Variants in AGBL3 observed in about 807,000 individuals in gnomAD.
The protein encoded by AGBL3 is AGBL carboxypeptidase 3, also known as cytosolic carboxypeptidase 3.
In AGBL3, 68 loss-of-function variants were observed where a neutral mutation model predicts 94.5. The observed-to-expected ratio is 0.72, with a 90% CI of 0.59 to 0.88. AGBL3 has a LOEUF of 0.88. Among genes scored for constraint, AGBL3 ranks in the 40% least tolerant of loss-of-function variants. The probability of loss-of-function intolerance (pLI) is 0.00; values close to 1 mark genes in which losing one functional copy is unlikely to be tolerated. For synonymous variants in AGBL3, 354 were observed against 370.7 expected (o/e 0.95, Z 0.52); for missense variants, 934 against 1,103.8 (o/e 0.85, Z 2.18).
At position 135,044,155 on chromosome 7, in the gene AGBL3, A is replaced by G; in HGVS notation, c.1627+4A>G. 2 of 1,544,294 alleles carry G rather than the reference A, an allele frequency of 1.3e-6. No homozygotes were observed. The highest frequency in any genetic ancestry group is 2.5e-5 in the East Asian group (1 of 40,722). On this transcript the variant is annotated splice_donor_region_variant and intron_variant, in intron 9 of 16. Coordinates refer to ENST00000436302, the MANE Select transcript of AGBL3 (RefSeq NM_178563.4). ...ACCTTCTGTGGATCTACTCTGGGTA[A>G]GACCAAGGGTTCTCATTCACAGCTC...
chr7:135,131,314 G>A (rs184557552), intron 16 of AGBL3, among the ~76,000 whole-genome samples: 78 of 152,132 alleles, frequency 5.1e-4, no homozygotes, highest in African/African-American at 1.7e-3. Context: ...GGCCTGTTGC[G>A]GGGTGAGGGG....
At chr7:135,082,604 G>A (rs1821011574) in intron 15 of AGBL3, among the ~76,000 whole-genome samples, 1 of 151,892 alleles carries the variant, frequency 6.6e-6, no homozygotes, top group South Asian at 2.1e-4. Context: ...CTAAAATCTT[G>A]ACATATTGGA....
intron 12 of AGBL3, among the ~76,000 whole-genome samples, chr7:135,075,234 C>T (rs969815792): frequency 6.6e-6 from 1 of 152,156 alleles, no homozygotes; most frequent in African/African-American, 2.4e-5. Flanking sequence ...CCTTACCTTG[C>T]AGTTATCCCC....
At chr7:135,052,485 T>C (rs1050576341) in intron 11 of AGBL3, among the ~76,000 whole-genome samples, 3 of 152,312 alleles carry the variant, frequency 2.0e-5, no homozygotes, top group Non-Finnish European at 2.9e-5. Context: ...ATTTATTGCA[T>C]AATGCTGGGG....
chr7:135,009,923 G>A (rs1328076234), intron 4 of AGBL3: 4 of 366,756 alleles, frequency 1.1e-5, no homozygotes, highest in Non-Finnish European at 2.1e-5. Flanking sequence ...AGACTTTGGA[G>A]CATTTGGTTG....
intron 12 of AGBL3, among the ~76,000 whole-genome samples, chr7:135,075,126 A>T (rs765677939): frequency 6.6e-6 from 1 of 152,186 alleles, no homozygotes; most frequent in Non-Finnish European, 1.5e-5. Flanking sequence ...ATGTTACAAT[A>T]AGGCTATTTA....
chr7:135,051,601 T>A (rs1262481363), intron 11 of AGBL3, among the ~76,000 whole-genome samples: 2 of 152,100 alleles, frequency 1.3e-5, no homozygotes, highest in African/African-American at 4.8e-5. Flanking sequence ...TCTAGGTTTT[T>A]TTTTCCAGGG....
chr7:135,050,478 T>G (rs987285948), intron 11 of AGBL3, among the ~76,000 whole-genome samples: 2 of 151,950 alleles, frequency 1.3e-5, no homozygotes, highest in Non-Finnish European at 1.5e-5. Flanking sequence ...AAATGAGGTA[T>G]TGAAGTCTCC....
intron 11 of AGBL3, among the ~76,000 whole-genome samples, chr7:135,052,846 A>C (rs986277131): frequency 6.6e-6 from 1 of 152,188 alleles, no homozygotes; most frequent in Non-Finnish European, 1.5e-5. Context: ...AAATTCAGGA[A>C]TTTATGGTAA....
chr7:135,126,245 A>C (rs1827847820), intron 16 of AGBL3, among the ~76,000 whole-genome samples: 1 of 152,234 alleles, frequency 6.6e-6, no homozygotes, highest in Non-Finnish European at 1.5e-5. Context: ...CCTTTACACC[A>C]ACATAGATAA....
intron 9 of AGBL3, among the ~76,000 whole-genome samples, chr7:135,044,527 G>C (rs1817169122): frequency 2.0e-5 from 3 of 151,914 alleles, no homozygotes; most frequent in Non-Finnish European, 4.4e-5. Context: ...GAAAGCACTT[G>C]GTTCCCTGAA....
chr7:135,047,154 T>C (rs1817444504), intron 11 of AGBL3, among the ~76,000 whole-genome samples: 2 of 152,094 alleles, frequency 1.3e-5, no homozygotes, highest in Non-Finnish European at 2.9e-5. Context: ...TCATGCAGTA[T>C]TTGTCTTTCT....
intron 16 of AGBL3, chr7:135,129,453 T>C (rs1402122574): frequency 9.0e-6 from 7 of 778,780 alleles, no homozygotes; most frequent in Non-Finnish European, 1.7e-5. Flanking sequence ...AAGTAAGGAG[T>C]GGCTAGAGAA....
chr7:134,986,898 G>T (rs901467613), intron 1 of AGBL3, among the ~76,000 whole-genome samples, 197 bp downstream of exon 1: 2 of 152,244 alleles, frequency 1.3e-5, no homozygotes, highest in African/African-American at 2.4e-5. Flanking sequence ...GCCCGCATCT[G>T]CCCCTCCTCC....
At chr7:135,082,282 C>T (rs1327315584) in intron 15 of AGBL3, among the ~76,000 whole-genome samples, 2 of 152,130 alleles carry the variant, frequency 1.3e-5, no homozygotes, top group Non-Finnish European at 2.9e-5. Context: ...ATAATTCCAA[C>T]TGACTCATTT....
At chr7:135,029,171 C>G (rs1465499317) in intron 5 of AGBL3, among the ~76,000 whole-genome samples, 1 of 152,184 alleles carries the variant, frequency 6.6e-6, no homozygotes, top group Non-Finnish European at 1.5e-5. Context: ...CACTTAAAGT[C>G]ACCAGCCACA....
Position 135,044,022 on chromosome 7 carries a change from C to T in AGBL3, c.1501-3C>T, listed in dbSNP as rs1418171991. ...AGTCTCATTTTTATTTGCTGCTTTT[C>T]AGTTTTCATTCTCAGCTTGCAAGTT... On this transcript the variant is annotated splice_region_variant and splice_polypyrimidine_tract_variant and intron_variant, in intron 8 of 16. Coordinates refer to ENST00000436302, the MANE Select transcript of AGBL3 (RefSeq NM_178563.4). The T allele has an allele frequency of 6.5e-7, 1 of 1,547,328 alleles. No individual in the cohort carries two copies. Among genetic ancestry groups the T allele is most frequent in the Admixed American group, 2.0e-5 (1 of 50,702 alleles).
At chr7:135,001,555 G>A (rs1279113346) in intron 4 of AGBL3, among the ~76,000 whole-genome samples, 2 of 152,158 alleles carry the variant, frequency 1.3e-5, no homozygotes, top group African/African-American at 4.8e-5. Context: ...TATGCCAGGA[G>A]CTCCCATTGG....
intron 15 of AGBL3, among the ~76,000 whole-genome samples, chr7:135,086,035 T>C (rs1821310903): frequency 6.6e-6 from 1 of 152,108 alleles, no homozygotes; most frequent in South Asian, 2.1e-4. Flanking sequence ...TAGTTTTCCT[T>C]GTAGAGATAT....
Sources: allele counts gnomAD v4.1 joint callset (sites outside exome capture counted in the v4.1 genomes callset), GRCh38; gene constraint gnomAD v4.1.1; transcripts MANE v1.5; gene names NCBI Gene and HGNC (gene_info 2026-07-23, HGNC 2026-07-21).